The following L3MBTL4 variants were observed in gnomAD, a reference collection of about 807,000 sequenced individuals.
L3MBTL4 encodes the protein L3MBTL histone methyl-lysine binding protein 4, also known as lethal(3)malignant brain tumor-like protein 4.
Under a neutral mutation model 84.5 loss-of-function variants are expected in L3MBTL4, and 70 were observed. The observed-to-expected ratio is 0.83, with a 90% CI of 0.68 to 1.01. The LOEUF (loss-of-function observed/expected upper bound fraction) is 1.01. Ranked by LOEUF, L3MBTL4 falls within the 50% of genes least tolerant of loss-of-function variation. L3MBTL4 has a pLI of 0.00. For missense variants in L3MBTL4, 715 were observed against 754.8 expected (o/e 0.95, Z 0.62); for synonymous variants, 274 against 259.8 (o/e 1.05, Z -0.52).
chr18:6,398,217 C>A (rs1052709095), intron 1 of L3MBTL4, among the ~76,000 whole-genome samples: 1 of 152,162 alleles, frequency 6.6e-6, no homozygotes, highest in Non-Finnish European at 1.5e-5. Context: ...TATAAGCTCA[C>A]GTATAGTTTT....
At chr18:6,309,611 T>A (rs1271810002) in intron 3 of L3MBTL4, among the ~76,000 whole-genome samples, 3 of 152,130 alleles carry the variant, frequency 2.0e-5, no homozygotes, top group Non-Finnish European at 2.9e-5. Context: ...TGGAGTCCAA[T>A]AAAGGGAAAG....
At chr18:6,254,635 A>T (rs907665464) in intron 5 of L3MBTL4, among the ~76,000 whole-genome samples, 1 of 152,134 alleles carries the variant, frequency 6.6e-6, no homozygotes, top group Non-Finnish European at 1.5e-5. Flanking sequence ...TGCTGCCAAG[A>T]TTGTAGCAAG....
chr18:6,124,435 T>A (rs2059623677), intron 14 of L3MBTL4, among the ~76,000 whole-genome samples: 1 of 147,874 alleles, frequency 6.8e-6, no homozygotes, highest in South Asian at 2.1e-4. Context: ...GTTATATTAT[T>A]ATATATATGT....
At chr18:6,021,181 C>G (rs1304084452) in intron 16 of L3MBTL4, among the ~76,000 whole-genome samples, 2 of 152,182 alleles carry the variant, frequency 1.3e-5, no homozygotes, top group Non-Finnish European at 2.9e-5. Context: ...ATGAGGTGCT[C>G]AGTGGGCACC....
chr18:6,215,712 T>G (rs1268196675), intron 11 of L3MBTL4, 38 bp downstream of exon 11: 1 of 1,187,200 alleles, frequency 8.4e-7, no homozygotes, highest in East Asian at 2.4e-5. Context: ...ATACAAACGT[T>G]GTTTAAAGGT....
intron 1 of L3MBTL4, among the ~76,000 whole-genome samples, chr18:6,343,661 CAAAA>C (rs1192917126): frequency 2.3e-5 from 2 of 85,822 alleles, no homozygotes; most frequent in African/African-American, 3.8e-5. Flanking sequence ...GACACCATAT[CAAAA>C]AAAAAAAAAA....
chr18:6,082,027 C>T (rs1416351913), intron 15 of L3MBTL4, among the ~76,000 whole-genome samples: 1 of 152,150 alleles, frequency 6.6e-6, no homozygotes, highest in African/African-American at 2.4e-5. Flanking sequence ...AGAGACAGTA[C>T]ATTCAGTGTG....
intron 10 of L3MBTL4, among the ~76,000 whole-genome samples, chr18:6,233,129 C>T (rs186147897): frequency 6.6e-4 from 101 of 152,082 alleles, no homozygotes; most frequent in African/African-American, 2.2e-3. Context: ...ACCCTTCACG[C>T]TAAAAACTCT....
intron 16 of L3MBTL4, among the ~76,000 whole-genome samples, chr18:6,021,956 G>A (rs2055292356): frequency 6.6e-6 from 1 of 152,280 alleles, no homozygotes; most frequent in African/African-American, 2.4e-5. Context: ...TGATGCTGCT[G>A]ATAGTCATTT....
Position 6,162,377 on chromosome 18 carries a change from C to T in L3MBTL4, c.1096+9451G>A, listed in dbSNP as rs8093059. ...CAATTGTTGAGTCACATAAATACAA[C>T]AAAAATAAAACAAAAGAGTTCAAAA... On this transcript the variant is annotated intron_variant, in intron 13 of 18. Coordinates refer to ENST00000317931, the MANE Select transcript of L3MBTL4 (RefSeq NM_001330559.2). Among the ~76,000 whole-genome samples, 1,251 of 151,760 alleles carry T rather than the reference C, an allele frequency of 8.2e-3. 18 individuals carry two copies. Among genetic ancestry groups the T allele is most frequent in the African/African-American group, 0.029 (1,219 of 41,394 alleles).
At chr18:6,149,963 C>T (rs1194437705) in intron 13 of L3MBTL4, among the ~76,000 whole-genome samples, 20 of 152,082 alleles carry the variant, frequency 1.3e-4, no homozygotes, top group Non-Finnish European at 2.9e-5. Context: ...CTCCTAAGTC[C>T]TAGGATTGTA....
At chr18:6,383,091 A>G (rs545553768) in intron 1 of L3MBTL4, among the ~76,000 whole-genome samples, 1 of 152,176 alleles carries the variant, frequency 6.6e-6, no homozygotes, top group South Asian at 2.1e-4. Flanking sequence ...CGAACATCCT[A>G]GCAGCTTTGT....
intron 4 of L3MBTL4, among the ~76,000 whole-genome samples, chr18:6,268,356 G>A (rs928678046): frequency 2.0e-5 from 3 of 152,072 alleles, no homozygotes; most frequent in African/African-American, 7.2e-5. Flanking sequence ...GCAATGAGCC[G>A]AGATGGCGCC....
chr18:6,083,625 T>A (rs1299570946), intron 15 of L3MBTL4, among the ~76,000 whole-genome samples: 1 of 152,214 alleles, frequency 6.6e-6, no homozygotes, highest in Non-Finnish European at 1.5e-5. Flanking sequence ...TCTGTCTAAA[T>A]CTCCAGGGAT....
At chr18:5,994,410 T>C (rs1249158258) in intron 16 of L3MBTL4, among the ~76,000 whole-genome samples, 1 of 152,194 alleles carries the variant, frequency 6.6e-6, no homozygotes, top group African/African-American at 2.4e-5. Flanking sequence ...TTCCCTTACT[T>C]ACCTTAGATG....
intron 14 of L3MBTL4, among the ~76,000 whole-genome samples, chr18:6,131,969 T>C (rs191892300): frequency 1.3e-4 from 20 of 152,290 alleles, no homozygotes; most frequent in Admixed American, 1.3e-3. Context: ...TGTAAATTGA[T>C]TAACTGGGTA....
chr18:6,372,744 T>G (rs2144210818), intron 1 of L3MBTL4, among the ~76,000 whole-genome samples: 1 of 152,328 alleles, frequency 6.6e-6, no homozygotes, highest in East Asian at 1.9e-4. Flanking sequence ...GACAGATATG[T>G]AATTGCTGAA....
intron 14 of L3MBTL4, among the ~76,000 whole-genome samples, chr18:6,120,055 G>A (rs1459625658): frequency 6.6e-6 from 1 of 152,170 alleles, no homozygotes; most frequent in East Asian, 1.9e-4. Context: ...TAAAGCCCAA[G>A]CTGAGTCTTA....
intron 1 of L3MBTL4, among the ~76,000 whole-genome samples, chr18:6,385,009 G>A (rs2054757992): frequency 6.6e-6 from 1 of 152,194 alleles, no homozygotes; most frequent in Admixed American, 6.5e-5. Flanking sequence ...AAGAAAAAAA[G>A]AGAAGTAGAT....
Sources: allele counts gnomAD v4.1 joint callset (sites outside exome capture counted in the v4.1 genomes callset), GRCh38; gene constraint gnomAD v4.1.1; transcripts MANE v1.5; gene names NCBI Gene and HGNC (gene_info 2026-07-23, HGNC 2026-07-21).